BCOR: variants seen among roughly 807,000 people sequenced by gnomAD.
BCOR encodes BCL-6 corepressor.
A neutral mutation model predicts 86.7 loss-of-function variants in BCOR; 10 were observed. The ratio of observed to expected loss-of-function variants is 0.12; its 90% CI spans 0.07 to 0.20. The LOEUF is 0.20. BCOR is among the 10% of genes least tolerant of loss of function. The pLI is 1.00. For missense variants in BCOR, 1,259 were observed against 1,452.1 expected, an observed-to-expected ratio of 0.87 and a Z score of 2.16; for synonymous variants, 611 against 609.0, an observed-to-expected ratio of 1.00 and a Z score of -0.05.
intron 1 of BCOR, among the ~76,000 whole-genome samples, chrX:40,094,431 C>A (rs1936760484): frequency 8.8e-6 from 1 of 113,050 alleles, no homozygotes; most frequent in African/African-American, 3.2e-5. Flanking sequence ...AGGGGGCCCA[C>A]AGGCACTGGC....
At chrX:40,142,675 A>G (rs1040021986) in intron 1 of BCOR, among the ~76,000 whole-genome samples, 11 of 111,816 alleles carry the variant, frequency 9.8e-5, no homozygotes, top group African/African-American at 3.3e-4. Flanking sequence ...CACTGTCTGG[A>G]GCTACAGCAG....
Position 40,074,369 on chromosome X carries a change from G to A in BCOR, c.977C>T (p.Pro326Leu), listed in dbSNP as rs200141801. 2.9e-5 allele frequency: 35 copies of A among 1,209,918 alleles called. 1 individual carries two copies. Among genetic ancestry groups the A allele is most frequent in the South Asian group, 8.8e-5 (5 of 56,705 alleles). The change falls in exon 4 of 15, where the codon CCG (proline) becomes CTG (leucine). Residue 326 changes from proline (P) to leucine (L), a missense_variant. Pro to Leu is a moderately conservative substitution (Grantham distance 98). Around this residue, in one of 7 missense-constraint regions of BCOR, gnomAD observed 534 missense variants for 594.8 expected, o/e 0.90. Transcript: ENST00000378444. ...PSAKAVTSGL[P>L]GDTALLLPPS... ...GGGCAACAGGAGAGCTGTGTCCCCC[G>A]GCAGGCCACTGGTGACCGCCTTGGC...
chrX:40,127,665 G>A (rs1271692933), intron 1 of BCOR, among the ~76,000 whole-genome samples: 3 of 108,097 alleles, frequency 2.8e-5, no homozygotes, highest in African/African-American at 1.0e-4. Context: ...GAGCCCAGGA[G>A]TTCGACACCA....
chrX:40,051,982 T>A lies in BCOR; in HGVS notation c.*127A>T. ...CTAAGTCCTTCTGACTGGAGTAATTTCTCTTATATAAAGAAGAGATATTTT... is the reference window on the plus strand; with the variant it reads ...CTAAGTCCTTCTGACTGGAGTAATTACTCTTATATAAAGAAGAGATATTTT... On this transcript the variant is annotated 3_prime_UTR_variant, in exon 15 of 15. Transcript: ENST00000378444. The A allele has an allele frequency of 3.3e-6, 2 of 613,353 alleles. No individual in the cohort carries two copies. Among genetic ancestry groups the A allele is most frequent in the Non-Finnish European group, 4.6e-6 (2 of 431,382 alleles). The allele number at this position is 613,353 out of a possible 1,213,427, so 50.5% of individuals were successfully genotyped here. A position where few individuals can be genotyped will look rare whatever the true frequency, so the allele number is the denominator to read the frequency against.
At chrX:40,119,881 GCAAT>G (rs1018507393) in intron 1 of BCOR, among the ~76,000 whole-genome samples, 16 of 111,283 alleles carry the variant, frequency 1.4e-4, no homozygotes, top group Non-Finnish European at 2.8e-4. Flanking sequence ...TTTTAAAACT[GCAAT>G]CACACTCTGG....
At chrX:40,059,286 A>C (rs1157121640) in intron 10 of BCOR, among the ~76,000 whole-genome samples, 2 of 112,204 alleles carry the variant, frequency 1.8e-5, no homozygotes, top group Non-Finnish European at 3.8e-5. Context: ...AGATCTCAGG[A>C]AGGAAAAGTG....
chrX:40,116,224 G>A lies in BCOR; in HGVS notation c.-40-38255C>T, dbSNP rs189975233. 1.2e-4 allele frequency among the ~76,000 whole-genome samples: 13 copies of A among 112,088 alleles called. No individual in the cohort carries two copies. The East Asian group carries it at 1.4e-3, about 12-fold the overall frequency. On this transcript the variant is annotated intron_variant, in intron 1 of 14. Transcript: ENST00000342274. ...AGAAAACTGTCCTATATGGCTGGGC[G>A]CGGTGGCTCACGCCTGTAATCCCAG...
intron 1 of BCOR, among the ~76,000 whole-genome samples, chrX:40,133,139 C>CTTTTTTTTTT (rs774822335): frequency 1.0e-5 from 1 of 100,274 alleles, no homozygotes; most frequent in African/African-American, 3.6e-5. Flanking sequence ...TTCTTTTTTT[C>CTTTTTTTTTT]TTTTTTTTTT....
At chrX:40,141,525 A>G (rs1374961864) in intron 1 of BCOR, among the ~76,000 whole-genome samples, 2 of 111,621 alleles carry the variant, frequency 1.8e-5, no homozygotes, top group Non-Finnish European at 3.8e-5. Flanking sequence ...CTCTGCTGGG[A>G]GACTCCGTGT....
At chrX:40,090,303 C>T (rs1208709918) in intron 1 of BCOR, among the ~76,000 whole-genome samples, 1 of 113,450 alleles carries the variant, frequency 8.8e-6, no homozygotes, top group African/African-American at 3.2e-5. Flanking sequence ...GCGCTCACCC[C>T]GCTAGCCAGC....
chrX:40,132,005 A>T (rs552657094), intron 1 of BCOR, among the ~76,000 whole-genome samples: 1 of 112,199 alleles, frequency 8.9e-6, no homozygotes. Flanking sequence ...TGAGACTTGT[A>T]AGACAAAGGC....
chrX:40,115,014 G>A (rs1203415207), intron 1 of BCOR, among the ~76,000 whole-genome samples: 2 of 109,579 alleles, frequency 1.8e-5, no homozygotes, highest in South Asian at 4.0e-4. Flanking sequence ...CACCACGCCC[G>A]ACTAATTTTT....
chrX:40,073,424 G>A lies in BCOR; in HGVS notation c.1922C>T (p.Ser641Phe), dbSNP rs761280992. 5.0e-6 allele frequency: 6 copies of A among 1,211,393 alleles called. No homozygotes were observed. Among genetic ancestry groups the A allele is most frequent in the Non-Finnish European group, 6.7e-6 (6 of 895,527 alleles). The change falls in exon 4 of 15, where the codon TCT becomes TTT. Residue 641 changes from serine (S) to phenylalanine (F), a missense_variant. This residue lies in a region of BCOR where 534 missense variants were observed against 594.8 expected (regional missense o/e 0.90). Transcript: ENST00000378444. ...NGLPPSSIFL[S>F]PNEAFRSPPI... ...TGGGGACCTGAATGCCTCATTTGGAGACAGAAATATAGAGCTTGGTGGAAG... is the reference window on the plus strand; with the variant it reads ...TGGGGACCTGAATGCCTCATTTGGAAACAGAAATATAGAGCTTGGTGGAAG...
chrX:40,092,595 C>T (rs1936672035), intron 1 of BCOR, among the ~76,000 whole-genome samples: 1 of 111,833 alleles, frequency 8.9e-6, no homozygotes, highest in South Asian at 3.8e-4. Context: ...AGCAGTGCAA[C>T]AGCCATTCCT....
At chrX:40,145,509 AAG>A (rs1938027287) in intron 1 of BCOR, among the ~76,000 whole-genome samples, 1 of 110,817 alleles carries the variant, frequency 9.0e-6, no homozygotes, top group African/African-American at 3.3e-5. Flanking sequence ...AGAAAGGCAA[AAG>A]AGTCCCCGTT....
In BCOR at chrX:40,074,339, G is replaced by A. The variant is rs767006987; in HGVS notation, c.1007C>T (p.Ser336Leu). Residue 336 changes from serine to leucine, a missense_variant, in exon 4 of 15, where the codon TCG becomes TTG. Ser to Leu is a moderately radical substitution (Grantham distance 145, BLOSUM62 -2). Around this residue, in one of 7 missense-constraint regions of BCOR, gnomAD observed 534 missense variants for 594.8 expected, o/e 0.90. Transcript: ENST00000378444. ...PGDTALLLPP[S>L]PRPSPRVHLP... ...GTGGACTCGGGGTGACGGCCGAGGC[G>A]AGGGGGGCAACAGGAGAGCTGTGTC... The A allele has an allele frequency of 6.6e-6, 8 of 1,211,668 alleles. No homozygotes were observed. The highest frequency in any genetic ancestry group is 1.8e-5 in the South Asian group (1 of 56,904).
At chrX:40,103,785 A>C (rs907248764) in intron 1 of BCOR, among the ~76,000 whole-genome samples, 1 of 111,340 alleles carries the variant, frequency 9.0e-6, no homozygotes, top group Non-Finnish European at 1.9e-5. Context: ...AAGATAAGCC[A>C]ATTTTTTTTT....
At chrX:40,128,703 C>G (rs1937572593) in intron 1 of BCOR, among the ~76,000 whole-genome samples, 1 of 111,700 alleles carries the variant, frequency 9.0e-6, no homozygotes, top group Non-Finnish European at 1.9e-5. Context: ...TTTTCTTTAT[C>G]TGCCCTCCAA....
intron 1 of BCOR, among the ~76,000 whole-genome samples, chrX:40,103,138 G>C: frequency 1.8e-5 from 2 of 110,826 alleles, no homozygotes; most frequent in Middle Eastern, 9.3e-3. Flanking sequence ...GGTGCGGCCT[G>C]ACAGAACCTT....
Sources: gnomAD v4.1 joint callset for allele counts (sites outside exome capture counted in the v4.1 genomes callset) on GRCh38, gnomAD v4.1.1 for gene constraint, gnomAD v4.1.1 regional missense constraint, MANE v1.5 for transcripts, NCBI Gene and HGNC (gene_info 2026-07-23, HGNC 2026-07-21) for gene names.